NPEPPS: variants seen among roughly 807,000 people sequenced by gnomAD.
The protein encoded by NPEPPS is puromycin-sensitive aminopeptidase.
Under a neutral mutation model 115.5 loss-of-function variants are expected in NPEPPS, and 14 were observed. The ratio of observed to expected loss-of-function variants is 0.12; its 90% CI spans 0.08 to 0.19. The LOEUF is 0.19. NPEPPS is among the 10% of genes least tolerant of loss of function. NPEPPS has a pLI of 1.00. For missense variants in NPEPPS, 523 were observed against 1,110.8 expected (o/e 0.47, Z 7.52); for synonymous variants, 285 against 390.6 (o/e 0.73, Z 3.19).
chr17:47,614,111 T>C (rs1238388471), intron 19 of NPEPPS, among the ~76,000 whole-genome samples: 2 of 151,958 alleles, frequency 1.3e-5, no homozygotes, highest in East Asian at 3.9e-4. Context: ...GCTGGAATTA[T>C]AGGAGTGTGA....
intron 2 of NPEPPS, among the ~76,000 whole-genome samples, chr17:47,550,084 G>A (rs868046775): frequency 6.0e-5 from 9 of 150,852 alleles, no homozygotes; most frequent in African/African-American, 1.9e-4. Flanking sequence ...ATAGGCGCAC[G>A]CTGCCACGCC....
At chr17:47,568,219 A>G (rs577260649) in intron 2 of NPEPPS, among the ~76,000 whole-genome samples, 1 of 149,792 alleles carries the variant, frequency 6.7e-6, no homozygotes, top group African/African-American at 2.5e-5. Context: ...GCTGGAGTAC[A>G]GTGGCACAAT....
At chr17:47,621,720 C>T (rs775633232) in intron 22 of NPEPPS, 48 bp from the exon 23 acceptor site, 4 of 1,536,520 alleles carry the variant, frequency 2.6e-6, no homozygotes, top group Non-Finnish European at 1.8e-6. Context: ...GTAATATTAA[C>T]TTCTTATTGC....
intron 2 of NPEPPS, among the ~76,000 whole-genome samples, chr17:47,561,093 A>G (rs928938227): frequency 3.3e-5 from 5 of 152,232 alleles, no homozygotes; most frequent in African/African-American, 1.2e-4. Context: ...TATAGATGGT[A>G]TAAGCAATAA....
At chr17:47,574,315 T>C (rs570315189) in intron 3 of NPEPPS, among the ~76,000 whole-genome samples, 9 of 152,116 alleles carry the variant, frequency 5.9e-5, no homozygotes, top group African/African-American at 9.6e-5. Flanking sequence ...CCAAAAGATA[T>C]ATAAACCTAG....
chr17:47,582,149 T>A (rs1439629843), intron 4 of NPEPPS: 1 of 152,662 alleles, frequency 6.6e-6, no homozygotes, highest in African/African-American at 2.4e-5. Flanking sequence ...TGCTCTTTTT[T>A]AAATTTTTAA....
intron 19 of NPEPPS, among the ~76,000 whole-genome samples, chr17:47,616,448 C>T (rs939467689): frequency 3.7e-4 from 56 of 152,002 alleles, no homozygotes; most frequent in African/African-American, 1.3e-3. Context: ...CTTTGGGAGG[C>T]CGAGGCGGGT....
chr17:47,576,807 G>A (rs1439296456), intron 3 of NPEPPS, among the ~76,000 whole-genome samples: 1 of 152,118 alleles, frequency 6.6e-6, no homozygotes, highest in Non-Finnish European at 1.5e-5. Flanking sequence ...TGAGGAAGTG[G>A]TGTAAATTAT....
At chr17:47,619,216 A>T (rs757020688) in intron 21 of NPEPPS, 52 bp downstream of exon 21, 1 of 1,486,178 alleles carries the variant, frequency 6.7e-7, no homozygotes, top group South Asian at 1.2e-5. Flanking sequence ...ATTTAGTGAC[A>T]TCCATGATTC....
At chr17:47,617,232 C>T (rs1208477092) in intron 19 of NPEPPS, among the ~76,000 whole-genome samples, 1 of 152,076 alleles carries the variant, frequency 6.6e-6, no homozygotes, top group Non-Finnish European at 1.5e-5. Flanking sequence ...GCTTCTCTGT[C>T]TTTCAGATAT....
At chr17:47,580,569 C>T (rs1379736832) in intron 4 of NPEPPS, 1 of 152,152 alleles carries the variant, frequency 6.6e-6, no homozygotes, top group African/African-American at 2.4e-5. Context: ...TTGTCTGGCA[C>T]TCACAGCTAG....
chr17:47,547,774 T>C (rs1196311520), intron 2 of NPEPPS, among the ~76,000 whole-genome samples: 1 of 152,024 alleles, frequency 6.6e-6, no homozygotes. Context: ...CGCCTGTAAT[T>C]CCAGCACTTT....
rs1212566874 is a variant in NPEPPS, at chr17:47,619,297, T to C, written c.2559+133T>C. On this transcript the variant is annotated intron_variant, in intron 21 of 22. Coordinates refer to ENST00000322157, the MANE Select transcript of NPEPPS (RefSeq NM_006310.4). ...GGCCAGGTGCAGTGGCTCACGCCTG[T>C]AATACCAGCACTTTGGGACGCCGAG... The C allele has an allele frequency of 5.7e-6, 5 of 884,008 alleles. No individual in the cohort carries two copies. The East Asian group carries it at 1.1e-4, about 19-fold the overall frequency. The allele number at this position is 884,008 out of a possible 1,614,324, so 54.8% of individuals were successfully genotyped here.
intron 4 of NPEPPS, chr17:47,580,212 T>A (rs538123286): frequency 3.7e-4 from 57 of 152,294 alleles, no homozygotes; most frequent in African/African-American, 1.3e-3. Flanking sequence ...TAAAATTTTT[T>A]ATCCAGTTTA....
At position 47,601,738 on chromosome 17, in the gene NPEPPS, A is replaced by G. The variant is rs368315048; in HGVS notation, c.1731A>G (p.Gln577=). ...NVVLKNVKPD[Q]WVKLNLGTVG... Reference sequence around the variant, plus strand: ...TTTTGAAAAATGTCAAACCAGACCAATGGGTGAAGGTGAGTTCAGAATCTT... The same window carrying G: ...TTTTGAAAAATGTCAAACCAGACCAGTGGGTGAAGGTGAGTTCAGAATCTT... The change falls in exon 15 of 23, where the codon CAA becomes CAG. Residue 577 remains glutamine (Q), a synonymous_variant. Coordinates refer to ENST00000322157, the MANE Select transcript of NPEPPS (RefSeq NM_006310.4). 3.0e-5 allele frequency: 48 copies of G among 1,613,422 alleles called. No individual in the cohort carries two copies. Among genetic ancestry groups the G allele is most frequent in the African/African-American group, 9.4e-5 (7 of 74,856 alleles).
At chr17:47,620,474 A>C (rs945771740) in intron 22 of NPEPPS, among the ~76,000 whole-genome samples, 2 of 152,174 alleles carry the variant, frequency 1.3e-5, no homozygotes, top group Admixed American at 6.5e-5. Context: ...TTAACCATTT[A>C]GTTCAACAAT....
chr17:47,539,663 AATTGCAT>A (rs1348059617), intron 1 of NPEPPS, among the ~76,000 whole-genome samples: 2 of 152,134 alleles, frequency 1.3e-5, no homozygotes, highest in South Asian at 2.1e-4. Context: ...TTAAAACTTT[AATTGCAT>A]ATTAGTAGCC....
intron 12 of NPEPPS, among the ~76,000 whole-genome samples, chr17:47,595,405 G>A (rs1296882881): frequency 2.0e-5 from 3 of 152,108 alleles, no homozygotes; most frequent in Non-Finnish European, 4.4e-5. Context: ...TGGGTATAAC[G>A]GTCTTAAGTT....
chr17:47,558,460 C>T (rs558534912), intron 2 of NPEPPS, among the ~76,000 whole-genome samples: 24 of 151,894 alleles, frequency 1.6e-4, no homozygotes, highest in African/African-American at 4.1e-4. Context: ...GACGGAGTCT[C>T]GCTCTGTCAC....
Sources: allele counts gnomAD v4.1 joint callset (sites outside exome capture counted in the v4.1 genomes callset), GRCh38; gene constraint gnomAD v4.1.1; transcripts MANE v1.5; gene names NCBI Gene and HGNC (gene_info 2026-07-23, HGNC 2026-07-21).